ERGIC1: variants seen among roughly 807,000 people sequenced by gnomAD.
The protein encoded by ERGIC1 is endoplasmic reticulum-golgi intermediate compartment 1.
Under a neutral mutation model 38.3 loss-of-function variants are expected in ERGIC1, and 19 were observed. That is an observed-to-expected ratio of 0.50 (90% CI 0.35 to 0.73). The LOEUF (loss-of-function observed/expected upper bound fraction) is 0.73, where lower values mean the gene tolerates loss of function less well. Among genes scored for constraint, ERGIC1 ranks in the 30% least tolerant of loss-of-function variants. The pLI, the probability that ERGIC1 is intolerant of heterozygous loss-of-function variation, is 0.01. For missense variants in ERGIC1, 294 were observed against 389.2 expected (o/e 0.76, Z 2.06); for synonymous variants, 124 against 157.6 (o/e 0.79, Z 1.60).
intron 3 of ERGIC1, among the ~76,000 whole-genome samples, chr5:172,899,722 GA>G (rs1762823029): frequency 1.3e-5 from 2 of 152,276 alleles, no homozygotes; most frequent in South Asian, 4.1e-4. Flanking sequence ...GCCAGTGGTA[GA>G]CACAGTCAAC....
chr5:172,859,890 G>A (rs192438841), intron 1 of ERGIC1, among the ~76,000 whole-genome samples: 52 of 152,300 alleles, frequency 3.4e-4, no homozygotes, highest in African/African-American at 1.1e-3. Context: ...ATTGTTTGTC[G>A]GCTGGGTTAG....
chr5:172,941,376 C>A (rs752321223), intron 9 of ERGIC1, among the ~76,000 whole-genome samples: 34 of 152,186 alleles, frequency 2.2e-4, no homozygotes, highest in South Asian at 4.2e-4. Context: ...CTCTTTTAGC[C>A]CCCCCAGCAA....
At chr5:172,859,363 A>G (rs974717356) in intron 1 of ERGIC1, among the ~76,000 whole-genome samples, 10 of 151,988 alleles carry the variant, frequency 6.6e-5, no homozygotes, top group Admixed American at 4.6e-4. Context: ...TGAATGGGGC[A>G]TGTCCCACCC....
chr5:172,851,793 G>A (rs1761413145), intron 1 of ERGIC1, among the ~76,000 whole-genome samples: 1 of 152,090 alleles, frequency 6.6e-6, no homozygotes, highest in African/African-American at 2.4e-5. Context: ...ATGCCCCTGG[G>A]TAAAAGGGCT....
intron 2 of ERGIC1, among the ~76,000 whole-genome samples, chr5:172,893,516 G>A (rs1276931606): frequency 1.3e-5 from 2 of 152,074 alleles, no homozygotes; most frequent in Non-Finnish European, 2.9e-5. Context: ...GGGGAGGAGG[G>A]TGTAAAAGAT....
Position 172,897,104 on chromosome 5 carries a change from C to T in ERGIC1, c.155+30C>T, listed in dbSNP as rs1762741526. ...GTCATACTTTCCCGATGGGGCATTC[C>T]AGGATGTTCTGGGACCCCAGACAAG... is the stretch of plus-strand genomic sequence containing the variant. On this transcript the variant is annotated intron_variant, in intron 3 of 9. Transcript: ENST00000393784. The T allele has an allele frequency of 2.5e-6, 4 of 1,606,560 alleles. No homozygotes were observed. The East Asian group carries it at 8.9e-5, about 36-fold the overall frequency.
intron 3 of ERGIC1, chr5:172,906,132 C>A (rs1248147682): frequency 2.2e-6 from 1 of 456,312 alleles, no homozygotes; most frequent in South Asian, 1.5e-5. Context: ...CTCCTTTGCT[C>A]TTGGTGGCCT....
At chr5:172,914,562 T>C (rs1480766429) in intron 4 of ERGIC1, 152 bp from the exon 5 acceptor site, 1 of 1,250,524 alleles carries the variant, frequency 8.0e-7, no homozygotes, top group East Asian at 2.5e-5. Flanking sequence ...CTGTCCCCTG[T>C]AGTCTTTGGA....
At chr5:172,921,935 C>T (rs1358781217) in intron 5 of ERGIC1, among the ~76,000 whole-genome samples, 3 of 152,264 alleles carry the variant, frequency 2.0e-5, no homozygotes, top group Non-Finnish European at 4.4e-5. Context: ...ATACAGCCTG[C>T]ACCCTCAATT....
At position 172,952,051 on chromosome 5, in the gene ERGIC1, C is replaced by T. The variant is rs972126399; in HGVS notation, c.*1235C>T. 3 of 152,248 alleles carry T rather than the reference C, an allele frequency of 2.0e-5. No homozygotes were observed. Among genetic ancestry groups the T allele is most frequent in the African/African-American group, 4.8e-5 (2 of 41,454 alleles). The allele number at this position is 152,248 out of a possible 1,614,324, so 9.4% of individuals were successfully genotyped here. Reference sequence around the variant, plus strand: ...ACCCTGCTGCTCCTCTTCATCCTTTCCCTTTTGTCCTGAAAGGGAGGAGCA... The same window carrying T: ...ACCCTGCTGCTCCTCTTCATCCTTTTCCTTTTGTCCTGAAAGGGAGGAGCA... On this transcript the variant is annotated 3_prime_UTR_variant, in exon 10 of 10. Transcript: ENST00000393784.
chr5:172,938,921 G>A (rs1033604435), intron 9 of ERGIC1, among the ~76,000 whole-genome samples: 3 of 151,788 alleles, frequency 2.0e-5, no homozygotes, highest in Admixed American at 6.6e-5. Flanking sequence ...AAATTAGCCG[G>A]GCATGGTGGC....
At chr5:172,859,524 C>T (rs573957429) in intron 1 of ERGIC1, among the ~76,000 whole-genome samples, 2 of 152,192 alleles carry the variant, frequency 1.3e-5, no homozygotes, top group African/African-American at 4.8e-5. Context: ...AGTGCCGTCC[C>T]AAGCCTTTGA....
At chr5:172,907,812 T>C (rs1052672708) in intron 3 of ERGIC1, among the ~76,000 whole-genome samples, 1 of 152,096 alleles carries the variant, frequency 6.6e-6, no homozygotes, top group Non-Finnish European at 1.5e-5. Context: ...CTAATCAGCG[T>C]TGGGGGTGGC....
intron 1 of ERGIC1, among the ~76,000 whole-genome samples, chr5:172,842,395 G>A (rs1255956911): frequency 6.6e-6 from 1 of 152,144 alleles, no homozygotes; most frequent in African/African-American, 2.4e-5. Context: ...ATATTTCAAG[G>A]TGTATATATA....
intron 8 of ERGIC1, chr5:172,932,773 G>T (rs111605031): frequency 2.8e-5 from 15 of 536,842 alleles, no homozygotes; most frequent in Non-Finnish European, 4.7e-5. Flanking sequence ...GGTGTGATGC[G>T]TTTGACAAAG....
chr5:172,908,316 G>GC (rs1303766138), intron 3 of ERGIC1, among the ~76,000 whole-genome samples: 4,922 of 9,214 alleles, frequency 0.53, 1,884 homozygotes, highest in Non-Finnish European at 0.74. Context: ...CGGGGGGGGG[G>GC]GGAGAGAGGG....
chr5:172,904,807 C>T (rs748202214), intron 3 of ERGIC1, among the ~76,000 whole-genome samples: 4 of 152,204 alleles, frequency 2.6e-5, no homozygotes, highest in Non-Finnish European at 2.9e-5. Flanking sequence ...CTTTATTGAC[C>T]TCATCAGGCA....
intron 1 of ERGIC1, among the ~76,000 whole-genome samples, chr5:172,836,867 T>G (rs1202735867): frequency 6.6e-6 from 1 of 152,098 alleles, no homozygotes; most frequent in African/African-American, 2.4e-5. Flanking sequence ...GAGAGGGAGT[T>G]TTAATCTTCA....
At chr5:172,915,424 G>A (rs1469547433) in intron 5 of ERGIC1, 5 of 406,220 alleles carry the variant, frequency 1.2e-5, no homozygotes, top group Non-Finnish European at 2.6e-5. Context: ...GCAGTGATGA[G>A]GAATAAAGCC....
Sources: allele counts gnomAD v4.1 joint callset (sites outside exome capture counted in the v4.1 genomes callset), GRCh38; gene constraint gnomAD v4.1.1; transcripts MANE v1.5; gene names NCBI Gene and HGNC (gene_info 2026-07-23, HGNC 2026-07-21).